The following AGBL4 variants were observed in gnomAD, a reference collection of about 807,000 sequenced individuals.
AGBL4 encodes the protein cytosolic carboxypeptidase 6.
A neutral mutation model predicts 66.4 loss-of-function variants in AGBL4; 58 were observed. The observed-to-expected ratio is 0.87, with a 90% confidence interval of 0.71 to 1.09. AGBL4 has a LOEUF of 1.09. Among genes scored for constraint, AGBL4 ranks in the 50% least tolerant of loss-of-function variants. AGBL4 has a pLI of 0.00. For missense variants in AGBL4, 579 were observed against 631.0 expected (o/e 0.92, Z 0.88); for synonymous variants, 234 against 222.9 (o/e 1.05, Z -0.44).
intron 3 of AGBL4, among the ~76,000 whole-genome samples, chr1:49,289,710 C>T (rs1195366682): frequency 2.0e-5 from 3 of 151,976 alleles, no homozygotes; most frequent in African/African-American, 7.2e-5. Context: ...TAGGATGTAG[C>T]TAAGAGTATT....
intron 2 of AGBL4, among the ~76,000 whole-genome samples, chr1:49,819,281 A>G (rs1645306322): frequency 6.6e-6 from 1 of 152,208 alleles, no homozygotes; most frequent in Non-Finnish European, 1.5e-5. Flanking sequence ...TATTTTTATT[A>G]TAATTTGGCT....
At chr1:50,008,189 C>T (rs1024374096) in intron 1 of AGBL4, among the ~76,000 whole-genome samples, 14 of 152,214 alleles carry the variant, frequency 9.2e-5, no homozygotes, top group African/African-American at 3.4e-4. Context: ...ATTTACAGAA[C>T]ATTTCAACCA....
At chr1:48,634,277 CA>C in intron 9 of AGBL4, 1 of 415,628 alleles carries the variant, frequency 2.4e-6, no homozygotes, top group Non-Finnish European at 4.4e-6. Flanking sequence ...TCCAGACCTC[CA>C]AAACTGAATC....
Position 49,188,146 on chromosome 1 carries a change from C to T in AGBL4, c.377+57624G>A, listed in dbSNP as rs571445100. 5.9e-5 allele frequency among the ~76,000 whole-genome samples: 9 copies of T among 152,098 alleles called. No individual in the cohort carries two copies. The East Asian group carries it at 1.5e-3, about 26-fold the overall frequency. On this transcript the variant is annotated intron_variant, in intron 4 of 13. Transcript: ENST00000371839. ...TAAACTTCTTTCTTTTGTAAATTGC[C>T]CAGTCTCAGGTATGTCTTTATCAGC...
At chr1:49,208,724 T>C (rs938306637) in intron 4 of AGBL4, among the ~76,000 whole-genome samples, 7 of 152,116 alleles carry the variant, frequency 4.6e-5, no homozygotes, top group African/African-American at 1.7e-4. Flanking sequence ...TACTTAAATA[T>C]ATTTATTTAA....
At chr1:48,997,330 C>T (rs1030549236) in intron 5 of AGBL4, among the ~76,000 whole-genome samples, 1 of 152,102 alleles carries the variant, frequency 6.6e-6, no homozygotes, top group African/African-American at 2.4e-5. Flanking sequence ...AGGACATGTT[C>T]CATTCTAACA....
At chr1:48,734,094 G>A (rs1037318628) in intron 6 of AGBL4, among the ~76,000 whole-genome samples, 4 of 152,180 alleles carry the variant, frequency 2.6e-5, no homozygotes, top group African/African-American at 9.7e-5. Flanking sequence ...TTTTCTCAGG[G>A]TGACCTCCCA....
chr1:48,868,343 G>C (rs1260408104), intron 5 of AGBL4, among the ~76,000 whole-genome samples: 1 of 152,130 alleles, frequency 6.6e-6, no homozygotes, highest in Admixed American at 6.5e-5. Flanking sequence ...AGCAGAAAGG[G>C]GAAGGCAGAA....
At chr1:49,111,254 A>G (rs1360355300) in intron 4 of AGBL4, among the ~76,000 whole-genome samples, 1 of 152,034 alleles carries the variant, frequency 6.6e-6, no homozygotes, top group Admixed American at 6.6e-5. Context: ...CTGGGAGTAC[A>G]GGCGCCTGCC....
chr1:48,650,481 C>G (rs1557854116), intron 8 of AGBL4, among the ~76,000 whole-genome samples: 7 of 148,354 alleles, frequency 4.7e-5, no homozygotes. Context: ...TTCCTTCCTT[C>G]TTTACTTCCT....
chr1:48,613,963 T>C (rs1645279720), intron 9 of AGBL4, among the ~76,000 whole-genome samples: 1 of 152,222 alleles, frequency 6.6e-6, no homozygotes, highest in Non-Finnish European at 1.5e-5. Flanking sequence ...ATGGCTGTGT[T>C]AGTGGGCATT....
chr1:49,846,228 G>T, intron 2 of AGBL4: 1 of 1,461,346 alleles, frequency 6.8e-7, no homozygotes, highest in South Asian at 1.1e-5. Context: ...ACACACACTG[G>T]GGAAAAGCCT....
intron 4 of AGBL4, among the ~76,000 whole-genome samples, chr1:49,062,988 A>G (rs1644429513): frequency 6.6e-6 from 1 of 152,104 alleles, no homozygotes; most frequent in African/African-American, 2.4e-5. Context: ...ACAACTTCCT[A>G]CTTTTTAGGG....
intron 3 of AGBL4, among the ~76,000 whole-genome samples, chr1:49,566,729 A>T (rs897440665): frequency 3.3e-5 from 5 of 152,184 alleles, no homozygotes; most frequent in African/African-American, 9.6e-5. Flanking sequence ...CCTCCCAGTT[A>T]GGCTACTCGG....
chr1:49,552,509 C>G (rs756235171), intron 3 of AGBL4, among the ~76,000 whole-genome samples: 4 of 152,208 alleles, frequency 2.6e-5, no homozygotes, highest in Non-Finnish European at 4.4e-5. Flanking sequence ...GTATTTCACT[C>G]ATCTCTCTAA....
intron 6 of AGBL4, among the ~76,000 whole-genome samples, chr1:48,847,573 A>G (rs992981008): frequency 4.6e-5 from 7 of 152,266 alleles, no homozygotes; most frequent in African/African-American, 1.7e-4. Context: ...GATTTAGACA[A>G]TAAAACGTAT....
intron 6 of AGBL4, among the ~76,000 whole-genome samples, chr1:48,809,612 C>A (rs1298046832): frequency 6.6e-6 from 1 of 152,140 alleles, no homozygotes; most frequent in Non-Finnish European, 1.5e-5. Flanking sequence ...CCTGCCTTAA[C>A]AGGTAGAGGA....
chr1:48,694,750 A>T (rs1646688543), intron 6 of AGBL4, among the ~76,000 whole-genome samples: 3 of 152,166 alleles, frequency 2.0e-5, no homozygotes, highest in Admixed American at 2.0e-4. Flanking sequence ...AGAGGATGAT[A>T]AGACACCATC....
chr1:49,263,641 A>G (rs1653449938), intron 3 of AGBL4, among the ~76,000 whole-genome samples: 1 of 152,196 alleles, frequency 6.6e-6, no homozygotes, highest in Non-Finnish European at 1.5e-5. Flanking sequence ...GTATTAGCAA[A>G]TCTAATATCA....
Sources: allele counts gnomAD v4.1 joint callset (sites outside exome capture counted in the v4.1 genomes callset), GRCh38; gene constraint gnomAD v4.1.1; transcripts MANE v1.5; gene names NCBI Gene and HGNC (gene_info 2026-07-23, HGNC 2026-07-21).